Variants in BICC1 observed in about 807,000 individuals in gnomAD.
The protein encoded by BICC1 is BicC family RNA binding protein 1.
BICC1 carries 43 observed loss-of-function variants against 111.0 expected under a neutral mutation model. The ratio of observed to expected loss-of-function variants is 0.39; its 90% confidence interval spans 0.30 to 0.50. BICC1 has a LOEUF of 0.50. Ranked by LOEUF, BICC1 falls within the 20% of genes least tolerant of loss-of-function variation. The probability of loss-of-function intolerance (pLI) is 0.88; values close to 1 mark genes in which losing one functional copy is unlikely to be tolerated. For missense variants in BICC1, 1,091 were observed against 1,203.2 expected (o/e 0.91, Z 1.38); for synonymous variants, 467 against 434.4 (o/e 1.07, Z -0.93).
intron 1 of BICC1, among the ~76,000 whole-genome samples, chr10:58,527,149 G>T (rs1237960936): frequency 1.3e-5 from 2 of 152,082 alleles, no homozygotes; most frequent in African/African-American, 4.8e-5. Context: ...ATCTCATTGT[G>T]GTTTTGATTT....
At chr10:58,559,685 T>G (rs1442846126) in intron 1 of BICC1, among the ~76,000 whole-genome samples, 2 of 152,138 alleles carry the variant, frequency 1.3e-5, no homozygotes, top group Non-Finnish European at 2.9e-5. Context: ...AGGAAAGCCT[T>G]TCACATTTCC....
intron 2 of BICC1, among the ~76,000 whole-genome samples, chr10:58,685,073 T>G (rs1839671920): frequency 6.6e-6 from 1 of 152,230 alleles, no homozygotes; most frequent in Admixed American, 6.5e-5. Context: ...TGTTGTGTCT[T>G]TGTTCTCATT....
At chr10:58,515,333 A>G (rs1427752482) in intron 1 of BICC1, among the ~76,000 whole-genome samples, 1 of 152,180 alleles carries the variant, frequency 6.6e-6, no homozygotes, top group Non-Finnish European at 1.5e-5. Flanking sequence ...TTGTGCAAAC[A>G]TCATGGAGTG....
intron 3 of BICC1, 51 bp downstream of exon 3, chr10:58,702,194 G>T: frequency 1.4e-6 from 2 of 1,435,850 alleles, no homozygotes; most frequent in Non-Finnish European, 2.0e-6. Flanking sequence ...TGAGATTATG[G>T]AATTACTGCA....
intron 1 of BICC1, among the ~76,000 whole-genome samples, chr10:58,568,189 T>C (rs1843830286): frequency 6.6e-6 from 1 of 152,034 alleles, no homozygotes; most frequent in African/African-American, 2.4e-5. Context: ...GATACAGAGG[T>C]CTTGAGCACA....
intron 3 of BICC1, among the ~76,000 whole-genome samples, chr10:58,760,852 G>C (rs1444899359): frequency 6.6e-6 from 1 of 152,064 alleles, no homozygotes; most frequent in Non-Finnish European, 1.5e-5. Context: ...CTATAGAAAA[G>C]ACTTACTTTG....
At chr10:58,583,629 CAT>C (rs1844348744) in intron 1 of BICC1, among the ~76,000 whole-genome samples, 2 of 142,754 alleles carry the variant, frequency 1.4e-5, no homozygotes, top group Non-Finnish European at 3.1e-5. Flanking sequence ...TGTGTGTGTA[CAT>C]ACACACACAT....
intron 3 of BICC1, among the ~76,000 whole-genome samples, chr10:58,716,503 A>G (rs1840745361): frequency 6.6e-6 from 1 of 152,172 alleles, no homozygotes; most frequent in Admixed American, 6.6e-5. Context: ...CCAGTGCTTG[A>G]TAACTCTGGG....
intron 17 of BICC1, 139 bp from the exon 18 acceptor site, chr10:58,813,691 G>T: frequency 1.2e-6 from 1 of 853,388 alleles, no homozygotes; most frequent in Non-Finnish European, 1.8e-6. Context: ...CAGCCTTCCC[G>T]AGAGTCAACA....
intron 2 of BICC1, among the ~76,000 whole-genome samples, chr10:58,692,391 A>T (rs1203437636): frequency 6.6e-6 from 1 of 152,204 alleles, no homozygotes; most frequent in African/African-American, 2.4e-5. Context: ...TGCATGGCCT[A>T]TGGGGACATC....
intron 2 of BICC1, among the ~76,000 whole-genome samples, chr10:58,644,247 C>T (rs929307944): frequency 3.9e-5 from 6 of 152,162 alleles, no homozygotes. Context: ...GAAGAGATCT[C>T]TCAATTCTCA....
At chr10:58,583,698 T>G (rs1844351078) in intron 1 of BICC1, among the ~76,000 whole-genome samples, 2 of 152,124 alleles carry the variant, frequency 1.3e-5, no homozygotes, top group South Asian at 4.2e-4. Flanking sequence ...ATTCCATATT[T>G]TTGTAGTTGC....
intron 2 of BICC1, among the ~76,000 whole-genome samples, chr10:58,656,890 G>T (rs972143183): frequency 1.3e-5 from 2 of 152,026 alleles, no homozygotes; most frequent in Non-Finnish European, 2.9e-5. Context: ...ATTTTATCTC[G>T]GCATAACAGT....
intron 20 of BICC1, among the ~76,000 whole-genome samples, chr10:58,826,137 A>G (rs1247972388): frequency 1.3e-5 from 2 of 152,218 alleles, no homozygotes; most frequent in African/African-American, 2.4e-5. Flanking sequence ...TGTTATAAAA[A>G]AGCATACTTA....
chr10:58,563,321 T>C (rs568758282), intron 1 of BICC1, among the ~76,000 whole-genome samples: 9 of 152,230 alleles, frequency 5.9e-5, no homozygotes, highest in Admixed American at 5.2e-4. Context: ...ATGTTAACTT[T>C]AGGCAGCTCC....
chr10:58,801,383 T>G (rs1843542586), intron 14 of BICC1, among the ~76,000 whole-genome samples: 1 of 152,186 alleles, frequency 6.6e-6, no homozygotes, highest in Non-Finnish European at 1.5e-5. Context: ...ATTTTCCCAC[T>G]GTGAATTCTC....
intron 2 of BICC1, among the ~76,000 whole-genome samples, chr10:58,696,320 A>G (rs887050135): frequency 6.6e-5 from 10 of 152,104 alleles, no homozygotes; most frequent in African/African-American, 2.4e-4. Flanking sequence ...TGAAAAAAAA[A>G]CTTTTGCAGA....
intron 20 of BICC1, among the ~76,000 whole-genome samples, chr10:58,821,375 GC>G (rs1312121852): frequency 6.6e-6 from 1 of 152,134 alleles, no homozygotes; most frequent in Non-Finnish European, 1.5e-5. Context: ...CCTCAGTGAA[GC>G]CAGCAGTTAC....
chr10:58,563,671 G>A (rs1289834873), intron 1 of BICC1, among the ~76,000 whole-genome samples: 1 of 152,194 alleles, frequency 6.6e-6, no homozygotes, highest in Non-Finnish European at 1.5e-5. Flanking sequence ...AGCCATTGAT[G>A]ATGACATGTT....
Sources: allele counts gnomAD v4.1 joint callset (sites outside exome capture counted in the v4.1 genomes callset), GRCh38; gene constraint gnomAD v4.1.1; transcripts MANE v1.5; gene names NCBI Gene and HGNC (gene_info 2026-07-23, HGNC 2026-07-21).